The following SH3PXD2B variants were observed in gnomAD, a reference collection of about 807,000 sequenced individuals.
The protein encoded by SH3PXD2B is SH3 and PX domain-containing protein 2B.
A neutral mutation model predicts 73.1 loss-of-function variants in SH3PXD2B; 37 were observed. That is an observed-to-expected ratio of 0.51 (90% CI 0.39 to 0.67). The LOEUF (loss-of-function observed/expected upper bound fraction) is 0.67. SH3PXD2B is among the 30% of genes least tolerant of loss of function. SH3PXD2B has a pLI of 0.00. For synonymous variants in SH3PXD2B, 457 were observed against 480.5 expected, an observed-to-expected ratio of 0.95 and a Z score of 0.64; for missense variants, 1,053 against 1,197.8, an observed-to-expected ratio of 0.88 and a Z score of 1.78.
chr5:172,327,283 G>A (rs1276200607), intron 12 of SH3PXD2B, among the ~76,000 whole-genome samples: 1 of 152,186 alleles, frequency 6.6e-6, no homozygotes, highest in Non-Finnish European at 1.5e-5. Context: ...ACGATTCTGT[G>A]AGAAAGGCAC....
At chr5:172,411,680 CTG>C in intron 2 of SH3PXD2B, among the ~76,000 whole-genome samples, 1 of 152,290 alleles carries the variant, frequency 6.6e-6, no homozygotes, top group South Asian at 2.1e-4. Flanking sequence ...TGTGGAAACT[CTG>C]GGGAGCACAC....
chr5:172,408,467 C>T (rs1281198207), intron 2 of SH3PXD2B, among the ~76,000 whole-genome samples: 1 of 150,970 alleles, frequency 6.6e-6, no homozygotes, highest in Non-Finnish European at 1.5e-5. Flanking sequence ...TGGCTTTTGC[C>T]ATGTTGCTCA....
At chr5:172,401,517 G>A (rs778735404) in intron 3 of SH3PXD2B, among the ~76,000 whole-genome samples, 8 of 152,030 alleles carry the variant, frequency 5.3e-5, no homozygotes, top group Non-Finnish European at 7.4e-5. Flanking sequence ...TTAGTGTGCC[G>A]GACCAGTCAA....
At chr5:172,369,043 C>T (rs961462551) in intron 6 of SH3PXD2B, among the ~76,000 whole-genome samples, 5 of 150,148 alleles carry the variant, frequency 3.3e-5, no homozygotes, top group African/African-American at 1.2e-4. Flanking sequence ...TACAGGCATG[C>T]ACCACCATGC....
Position 172,339,244 on chromosome 5 carries a change from C to A in SH3PXD2B, c.1861G>T (p.Asp621Tyr). The A allele has an allele frequency of 6.2e-7, 1 of 1,614,174 alleles. No homozygotes were observed. Among genetic ancestry groups the A allele is most frequent in the Non-Finnish European group, 8.5e-7 (1 of 1,180,040 alleles). ...NLRPISKSKT[D>Y]LPEEKPDATP... ...GCATCTGGCTTCTCCTCTGGCAGGT[C>A]AGTTTTGGATTTGGAGATGGGCCGG... The change falls in exon 13 of 13, where the codon GAC (aspartate) becomes TAC (tyrosine). Residue 621 changes from aspartate (D) to tyrosine (Y), a missense_variant. Around this residue, in one of 2 missense-constraint regions of SH3PXD2B, gnomAD observed 587 missense variants for 590.7 expected, o/e 0.99. Transcript: ENST00000311601. The surrounding 1 kb of genome is among the most constrained non-coding windows in gnomAD (Gnocchi z 6.1).
At position 172,345,030 on chromosome 5, in the gene SH3PXD2B, A is replaced by G. The variant is rs57051241; in HGVS notation, c.1188+1106T>C. ...GAGAGAAGGAGGGAAAGGAGGGAGGAAAGGAAGAAGGGAAGGAAAACAAAG... is the reference window on the plus strand; with the variant it reads ...GAGAGAAGGAGGGAAAGGAGGGAGGGAAGGAAGAAGGGAAGGAAAACAAAG... On this transcript the variant is annotated intron_variant, in intron 12 of 12. Coordinates refer to ENST00000311601, the MANE Select transcript of SH3PXD2B (RefSeq NM_001017995.3). Among the ~76,000 whole-genome samples the G allele has an allele frequency of 3.7e-3, 544 of 145,428 alleles. 9 individuals are homozygous for G. Among genetic ancestry groups the G allele is most frequent in the African/African-American group, 0.014 (519 of 36,864 alleles).
At chr5:172,429,555 G>A (rs1759183414) in intron 1 of SH3PXD2B, among the ~76,000 whole-genome samples, 1 of 151,720 alleles carries the variant, frequency 6.6e-6, no homozygotes, top group African/African-American at 2.4e-5. Context: ...GTTTCACCAG[G>A]AACAGAAGTC....
chr5:172,409,497 C>G (rs992159902), intron 2 of SH3PXD2B, among the ~76,000 whole-genome samples: 6 of 152,154 alleles, frequency 3.9e-5, no homozygotes, highest in Non-Finnish European at 8.8e-5. Flanking sequence ...CCCCTACCCT[C>G]CCCAGCCTCT....
intron 3 of SH3PXD2B, among the ~76,000 whole-genome samples, chr5:172,398,407 A>G (rs1758353920): frequency 6.6e-6 from 1 of 152,192 alleles, no homozygotes; most frequent in Non-Finnish European, 1.5e-5. Flanking sequence ...TAGCCCTACA[A>G]TCTTCCAGCT....
chr5:172,414,103 A>C (rs1049895367), intron 2 of SH3PXD2B, among the ~76,000 whole-genome samples: 2 of 152,182 alleles, frequency 1.3e-5, no homozygotes, highest in Non-Finnish European at 2.9e-5. Context: ...ATGGGCAGAT[A>C]GTCTTAAAAA....
intron 6 of SH3PXD2B, among the ~76,000 whole-genome samples, chr5:172,364,352 C>T (rs1483275561): frequency 6.6e-6 from 1 of 152,034 alleles, no homozygotes; most frequent in Admixed American, 6.6e-5. Flanking sequence ...TCCAGGAAAC[C>T]CCACATTTTT....
chr5:172,454,272 A>G lies in SH3PXD2B; in HGVS notation c.75+6T>C. ...CAAGGGGGCGTGGGGGCCGCGCCGC[A>G]CTCACATAATGCTTGTTGGGCACCC... On this transcript the variant is annotated splice_donor_region_variant and intron_variant, in intron 1 of 12. Transcript: ENST00000311601. The G allele has an allele frequency of 6.3e-7, 1 of 1,593,590 alleles. No homozygotes were observed. Among genetic ancestry groups the G allele is most frequent in the Non-Finnish European group, 8.5e-7 (1 of 1,173,690 alleles).
Position 172,338,188 on chromosome 5 carries a change from G to A in SH3PXD2B, c.*181C>T. 1 of 1,491,308 alleles carries A rather than the reference G, an allele frequency of 6.7e-7. No homozygotes were observed. The highest frequency in any genetic ancestry group is 8.9e-7 in the Non-Finnish European group (1 of 1,123,358). 92.4% of individuals were successfully genotyped at this position (1,491,308 alleles called of 1,614,324 possible). A position where few individuals can be genotyped will look rare whatever the true frequency, so the allele number is the denominator to read the frequency against. ...AGTGATGCTGTGATAGGAGGGATCA[G>A]GCCCAGGGGCGCCCGAGGTGTCCGA... On this transcript the variant is annotated 3_prime_UTR_variant, in exon 13 of 13. Coordinates refer to ENST00000311601, the MANE Select transcript of SH3PXD2B (RefSeq NM_001017995.3). The surrounding 1 kb of genome is among the most constrained non-coding windows in gnomAD (Gnocchi z 5.1).
rs200225624 is a variant in SH3PXD2B at position 172,339,356 on chromosome 5, G to A, written c.1749C>T (p.Asp583=). 4 of 1,614,196 alleles carry A rather than the reference G, an allele frequency of 2.5e-6. No homozygotes were observed. In the African/African-American group the frequency reaches 4.0e-5, roughly 16 times the overall value. Residue 583 remains aspartate (D), a synonymous_variant, in exon 13 of 13, where the codon GAC becomes GAT. Transcript: ENST00000311601. This position sits in a 1 kb window ranked among gnomAD's most constrained non-coding sequence, Gnocchi z 6.1. ...RDSRRPEPKP[D]KSRLFQLKND... is the part of the protein sequence containing the mutation. ...TTTTCAGCTGGAACAGTCTGCTTTT[G>A]TCAGGTTTGGGCTCTGGCCTCCTGC...
chr5:172,346,078 G>A (rs1756990834), intron 12 of SH3PXD2B, 58 bp downstream of exon 12: 1 of 1,612,426 alleles, frequency 6.2e-7, no homozygotes, highest in African/African-American at 1.3e-5. Context: ...GGAGAAGTAG[G>A]AGGTGATGCC....
chr5:172,364,490 C>A (rs1002897739), intron 6 of SH3PXD2B, among the ~76,000 whole-genome samples: 6 of 152,064 alleles, frequency 3.9e-5, no homozygotes, highest in African/African-American at 1.4e-4. Context: ...CATAGCGAAA[C>A]CCCGTCTCTA....
At chr5:172,437,069 G>A (rs1759407599) in intron 1 of SH3PXD2B, among the ~76,000 whole-genome samples, 1 of 152,136 alleles carries the variant, frequency 6.6e-6, no homozygotes, top group Non-Finnish European at 1.5e-5. Context: ...GGTTGCAGAT[G>A]GCTTGCTCTG....
intron 2 of SH3PXD2B, among the ~76,000 whole-genome samples, chr5:172,414,456 TAAAAAAAAAAA>T (rs1007937801): frequency 1.3e-5 from 1 of 77,554 alleles, no homozygotes; most frequent in Non-Finnish European, 2.5e-5. Context: ...GACTCCATCT[TAAAAAAAAAAA>T]AAAAAAAAAA....
intron 12 of SH3PXD2B, among the ~76,000 whole-genome samples, chr5:172,344,121 A>G (rs1334432888): frequency 1.3e-5 from 2 of 152,262 alleles, no homozygotes; most frequent in East Asian, 3.9e-4. Flanking sequence ...CATCATTATC[A>G]TAACACATCC....
Sources: allele counts gnomAD v4.1 joint callset (sites outside exome capture counted in the v4.1 genomes callset), GRCh38; gene constraint gnomAD v4.1.1; regional missense constraint gnomAD v4.1.1; non-coding constraint Gnocchi (gnomAD v3.1); transcripts MANE v1.5; gene names NCBI Gene and HGNC (gene_info 2026-07-23, HGNC 2026-07-21).